LIN7A: variants seen among roughly 807,000 people sequenced by gnomAD.
LIN7A encodes the protein lin-7 cell polarity scaffold A, also known as protein lin-7 homolog A.
In LIN7A, 25 loss-of-function variants were observed where a neutral mutation model predicts 29.8. The ratio of observed to expected loss-of-function variants is 0.84; its 90% CI spans 0.61 to 1.17. The LOEUF (loss-of-function observed/expected upper bound fraction) is 1.17, where lower values mean the gene tolerates loss of function less well. Ranked by LOEUF, LIN7A falls within the 50% of genes most tolerant of loss-of-function variation. The pLI, the probability that LIN7A is intolerant of heterozygous loss-of-function variation, is 0.00. For missense variants in LIN7A, 239 were observed against 287.0 expected (o/e 0.83, Z 1.21); for synonymous variants, 118 against 107.5 (o/e 1.10, Z -0.60).
intron 1 of LIN7A, among the ~76,000 whole-genome samples, chr12:80,906,312 T>C (rs1876472992): frequency 6.6e-6 from 1 of 152,182 alleles, no homozygotes; most frequent in South Asian, 2.1e-4. Context: ...ACTATTTGCA[T>C]GTCATACTTC....
Position 80,874,296 on chromosome 12 carries a change from A to C in LIN7A, c.201+14955T>G, listed in dbSNP as rs185618626. 4.9e-3 allele frequency among the ~76,000 whole-genome samples: 740 copies of C among 152,332 alleles called. 4 individuals are homozygous for C. The highest frequency in any genetic ancestry group is 0.017 in the Middle Eastern group (5 of 294). ...TTAGTGCTAACTTACTAAGAAAAGA[A>C]CTATGGGCACATTTAAATAGACATG... is the stretch of plus-strand genomic sequence containing the variant. On this transcript the variant is annotated intron_variant, in intron 2 of 5. Transcript: ENST00000552864.
At chr12:80,873,590 G>A (rs1053287770) in intron 2 of LIN7A, among the ~76,000 whole-genome samples, 25 of 151,764 alleles carry the variant, frequency 1.6e-4, no homozygotes, top group African/African-American at 6.0e-4. Context: ...TAAATGAGAG[G>A]GATATCTTTG....
At position 80,889,272 on chromosome 12, in the gene LIN7A, C is replaced by T; in HGVS notation, c.180G>A (p.Glu60=). The T allele has an allele frequency of 6.2e-7, 1 of 1,609,694 alleles. No homozygotes were observed. The highest frequency in any genetic ancestry group is 8.5e-7 in the Non-Finnish European group (1 of 1,176,374). The change falls in exon 2 of 6, where the codon GAG becomes GAA. Residue 60 remains glutamate, a synonymous_variant. Transcript: ENST00000552864. ...ATACCTCTCGAATAGCTGTACAAAA[C>T]TCACTCTGAAGCACTTTTTTGAGGG... ...LQSLKKVLQS[E]FCTAIREVYQ... is the part of the protein sequence containing the mutation.
At chr12:80,905,594 T>G (rs767970623) in intron 1 of LIN7A, among the ~76,000 whole-genome samples, 1 of 152,168 alleles carries the variant, frequency 6.6e-6, no homozygotes, top group Non-Finnish European at 1.5e-5. Context: ...GAGAAACTGG[T>G]TGAATTGCTA....
chr12:80,821,578 T>C (rs1171151748), intron 4 of LIN7A, among the ~76,000 whole-genome samples: 2 of 152,152 alleles, frequency 1.3e-5, no homozygotes, highest in East Asian at 1.9e-4. Flanking sequence ...AAGACAACAA[T>C]GCAAATACAT....
At chr12:80,825,635 T>A (rs1872028508) in intron 4 of LIN7A, among the ~76,000 whole-genome samples, 1 of 152,198 alleles carries the variant, frequency 6.6e-6, no homozygotes, top group African/African-American at 2.4e-5. Flanking sequence ...TTTTGAGAAA[T>A]CTTATTTCCC....
At chr12:80,810,530 T>C (rs1330031573) in intron 5 of LIN7A, among the ~76,000 whole-genome samples, 1 of 152,162 alleles carries the variant, frequency 6.6e-6, no homozygotes, top group African/African-American at 2.4e-5. Flanking sequence ...ATCTTAGCTG[T>C]TGTAATAATG....
At chr12:80,929,854 C>T (rs1877797151) in intron 1 of LIN7A, among the ~76,000 whole-genome samples, 1 of 152,140 alleles carries the variant, frequency 6.6e-6, no homozygotes, top group Admixed American at 6.5e-5. Flanking sequence ...TGTCCATCAG[C>T]AATTACTGCT....
intron 4 of LIN7A, chr12:80,832,448 A>G (rs1183329334): frequency 6.8e-6 from 3 of 439,194 alleles, no homozygotes; most frequent in Non-Finnish European, 1.4e-5. Flanking sequence ...TTTGTCATCC[A>G]TGGTAATTGG....
intron 2 of LIN7A, among the ~76,000 whole-genome samples, chr12:80,852,070 TA>T (rs1005727592): frequency 2.0e-5 from 3 of 152,128 alleles, no homozygotes; most frequent in African/African-American, 7.2e-5. Flanking sequence ...ATTATGAAAA[TA>T]AAAAATAATG....
intron 4 of LIN7A, among the ~76,000 whole-genome samples, chr12:80,814,865 G>T (rs1360213185): frequency 6.6e-6 from 1 of 152,118 alleles, no homozygotes; most frequent in Non-Finnish European, 1.5e-5. Context: ...AGGTCTGTTG[G>T]TTTGGCTCTA....
At chr12:80,876,888 G>C (rs144345130) in intron 2 of LIN7A, among the ~76,000 whole-genome samples, 1 of 151,954 alleles carries the variant, frequency 6.6e-6, no homozygotes, top group Non-Finnish European at 1.5e-5. Context: ...TTGGGAGGCC[G>C]AGGCGGGCGG....
At chr12:80,911,952 G>A (rs1217070798) in intron 1 of LIN7A, among the ~76,000 whole-genome samples, 3 of 152,140 alleles carry the variant, frequency 2.0e-5, no homozygotes, top group Non-Finnish European at 4.4e-5. Context: ...CGTTGAATAC[G>A]TTAACTCAGG....
intron 1 of LIN7A, among the ~76,000 whole-genome samples, chr12:80,897,215 A>G (rs1875952473): frequency 6.7e-6 from 1 of 149,782 alleles, no homozygotes; most frequent in Non-Finnish European, 1.5e-5. Flanking sequence ...TTTTCTCCTT[A>G]TTATTTGATG....
chr12:80,921,224 CATGGA>C (rs962676286), intron 1 of LIN7A, among the ~76,000 whole-genome samples: 1 of 151,996 alleles, frequency 6.6e-6, no homozygotes, highest in Non-Finnish European at 1.5e-5. Flanking sequence ...CCTAAACAGA[CATGGA>C]ATATGCTGGT....
intron 4 of LIN7A, among the ~76,000 whole-genome samples, chr12:80,815,947 C>T (rs1358393453): frequency 6.6e-6 from 1 of 152,048 alleles, no homozygotes; most frequent in African/African-American, 2.4e-5. Context: ...TAGCCTAAAA[C>T]AGAAAAACCC....
chr12:80,869,149 A>AT (rs1565908284), intron 2 of LIN7A, among the ~76,000 whole-genome samples: 9 of 145,466 alleles, frequency 6.2e-5, no homozygotes, highest in Admixed American at 2.1e-4. Flanking sequence ...TAAATAAATA[A>AT]ATATATATAT....
intron 1 of LIN7A, chr12:80,937,342 C>A (rs1878292624): frequency 3.0e-6 from 1 of 331,136 alleles, no homozygotes; most frequent in Non-Finnish European, 5.5e-6. Context: ...GCGGCTCCAA[C>A]AAAGCCAGAG....
At chr12:80,845,635 T>C (rs1435309374) in intron 4 of LIN7A, 95 bp downstream of exon 4, 1 of 945,128 alleles carries the variant, frequency 1.1e-6, no homozygotes, top group African/African-American at 1.7e-5. Context: ...AATGAATATT[T>C]ATTCTAGGTT....
Sources: gnomAD v4.1 joint callset for allele counts (sites outside exome capture counted in the v4.1 genomes callset) on GRCh38, gnomAD v4.1.1 for gene constraint, MANE v1.5 for transcripts, NCBI Gene and HGNC (gene_info 2026-07-23, HGNC 2026-07-21) for gene names.